Variants in KIF6 observed in about 807,000 individuals in gnomAD.
The protein encoded by KIF6 is kinesin-like protein KIF6.
A neutral mutation model predicts 112.7 loss-of-function variants in KIF6; 106 were observed. The ratio of observed to expected loss-of-function variants is 0.94; its 90% CI spans 0.80 to 1.11. The LOEUF (loss-of-function observed/expected upper bound fraction) is 1.11. Ranked by LOEUF, KIF6 falls within the 50% of genes least tolerant of loss-of-function variation. The pLI, the probability that KIF6 is intolerant of heterozygous loss-of-function variation, is 0.00. For missense variants in KIF6, 929 were observed against 964.0 expected (o/e 0.96, Z 0.48); for synonymous variants, 339 against 339.9 (o/e 1.00, Z 0.03).
intron 13 of KIF6, among the ~76,000 whole-genome samples, chr6:39,498,185 T>C (rs955355491): frequency 6.6e-6 from 1 of 152,044 alleles, no homozygotes. Flanking sequence ...CAATCTACAT[T>C]AAAAAAATAA....
At chr6:39,403,345 C>T (rs1320868162) in intron 15 of KIF6, among the ~76,000 whole-genome samples, 1 of 152,154 alleles carries the variant, frequency 6.6e-6, no homozygotes, top group African/African-American at 2.4e-5. Context: ...ACCCTTCTCC[C>T]ACCCCTGCCC....
intron 14 of KIF6, among the ~76,000 whole-genome samples, chr6:39,425,337 A>G (rs924556611): frequency 2.0e-5 from 3 of 152,248 alleles, no homozygotes; most frequent in Non-Finnish European, 2.9e-5. Context: ...AGAGGAGGAC[A>G]GAAGACTGGG....
intron 16 of KIF6, among the ~76,000 whole-genome samples, chr6:39,369,075 T>C (rs147845888): frequency 3.3e-5 from 5 of 152,308 alleles, no homozygotes; most frequent in South Asian, 2.1e-4. Flanking sequence ...CTCACCTTGT[T>C]TGAGAAGACA....
intron 19 of KIF6, among the ~76,000 whole-genome samples, chr6:39,351,147 C>T (rs1436277682): frequency 7.0e-6 from 1 of 142,356 alleles, no homozygotes; most frequent in Non-Finnish European, 1.5e-5. Flanking sequence ...TGATGCACAC[C>T]TTTCAAATTC....
chr6:39,639,668 T>C lies in KIF6; in HGVS notation c.341A>G (p.Tyr114Cys), dbSNP rs1479150162. Residue 114 changes from tyrosine to cysteine, a missense_variant, in exon 4 of 23, where the codon TAC (tyrosine) becomes TGC (cysteine). Coordinates refer to ENST00000287152, the MANE Select transcript of KIF6 (RefSeq NM_145027.6). Reference sequence around the variant, plus strand: ...CCTTGGGATAATGCCTCTGTCACTGTAACGCTCTGCACCCCCTGTGATAGT... The same window carrying C: ...CCTTGGGATAATGCCTCTGTCACTGCAACGCTCTGCACCCCCTGTGATAGT... ...TFTITGGAERYSDRGIIPRTL... is the reference protein window; with the variant it reads ...TFTITGGAERCSDRGIIPRTL... 1.9e-6 allele frequency: 3 copies of C among 1,611,490 alleles called. No homozygotes were observed. Among genetic ancestry groups the C allele is most frequent in the South Asian group, 2.2e-5 (2 of 90,638 alleles).
At chr6:39,442,742 C>A (rs1581866682) in intron 13 of KIF6, among the ~76,000 whole-genome samples, 2 of 152,118 alleles carry the variant, frequency 1.3e-5, no homozygotes, top group South Asian at 2.1e-4. Context: ...AGTGGAAGAA[C>A]GCGTGTGTCT....
chr6:39,416,517 C>T (rs1383364271), intron 15 of KIF6, among the ~76,000 whole-genome samples: 1 of 152,142 alleles, frequency 6.6e-6, no homozygotes. Context: ...GGTTACTCCT[C>T]CCATTTCTTA....
At chr6:39,634,153 A>T (rs1393769491) in intron 5 of KIF6, among the ~76,000 whole-genome samples, 2 of 152,180 alleles carry the variant, frequency 1.3e-5, no homozygotes, top group Non-Finnish European at 2.9e-5. Flanking sequence ...GAATATAAAG[A>T]TACATTTTCT....
At chr6:39,579,005 A>G (rs767835753) in intron 9 of KIF6, among the ~76,000 whole-genome samples, 65 of 152,190 alleles carry the variant, frequency 4.3e-4, no homozygotes, top group Non-Finnish European at 6.9e-4. Flanking sequence ...ATGAACATTT[A>G]GGATTTTTAC....
intron 13 of KIF6, among the ~76,000 whole-genome samples, chr6:39,521,935 A>C (rs548755452): frequency 6.6e-6 from 1 of 152,064 alleles, no homozygotes; most frequent in Admixed American, 6.5e-5. Flanking sequence ...CATCCCATAT[A>C]TTATTCTCTG....
chr6:39,442,971 G>A (rs987218412), intron 13 of KIF6, among the ~76,000 whole-genome samples: 43 of 151,852 alleles, frequency 2.8e-4, no homozygotes, highest in African/African-American at 9.2e-4. Context: ...AAAATTAGCC[G>A]GGCGTGGTGG....
Position 39,523,780 on chromosome 6 carries a change from G to A in KIF6, c.1645+16223C>T, listed in dbSNP as rs147056393. 1.8e-3 allele frequency among the ~76,000 whole-genome samples: 269 copies of A among 148,258 alleles called. 1 individual carries two copies. Among genetic ancestry groups the A allele is most frequent in the African/African-American group, 6.1e-3 (247 of 40,396 alleles). On this transcript the variant is annotated intron_variant, in intron 13 of 22. Coordinates refer to ENST00000287152, the MANE Select transcript of KIF6 (RefSeq NM_145027.6). ...ACCTATCTGGGAATAGTTGGCATCC[G>A]TTTTCCATGTCCCAGGGCACCCTGT... is the stretch of plus-strand genomic sequence containing the variant.
In KIF6 at chr6:39,337,124, CTTT is replaced by C. The variant is rs1268797754; in HGVS notation, c.2429-579_2429-577del. Among the ~76,000 whole-genome samples, 684 of 124,366 alleles carry C rather than the reference CTTT, an allele frequency of 5.5e-3. 25 individuals are homozygous for C. The highest frequency in any genetic ancestry group is 0.019 in the African/African-American group (633 of 33,272). The allele number at this position is 124,366 out of a possible 152,430, so 81.6% of individuals were successfully genotyped here. ...TCTTCTTTCTTCTCTTTCTTTCTTT[CTTT>C]CCTCCTTCCTTCCTTCCTTTCTCTT... On this transcript the variant is annotated intron_variant, in intron 22 of 22. Transcript: ENST00000287152.
chr6:39,520,976 C>G (rs1176955631), intron 13 of KIF6, among the ~76,000 whole-genome samples: 1 of 152,146 alleles, frequency 6.6e-6, no homozygotes, highest in African/African-American at 2.4e-5. Context: ...TTGCTACAAA[C>G]AAAGGCAGAG....
At chr6:39,699,709 G>A (rs1346916123) in intron 3 of KIF6, among the ~76,000 whole-genome samples, 1 of 152,006 alleles carries the variant, frequency 6.6e-6, no homozygotes, top group African/African-American at 2.4e-5. Flanking sequence ...TTGTAATATA[G>A]GGATAACATA....
intron 13 of KIF6, among the ~76,000 whole-genome samples, chr6:39,522,261 C>T (rs1220993864): frequency 6.6e-6 from 1 of 152,118 alleles, no homozygotes; most frequent in Non-Finnish European, 1.5e-5. Flanking sequence ...AAAACTATTC[C>T]TCCGTTGAGA....
intron 6 of KIF6, among the ~76,000 whole-genome samples, chr6:39,612,184 T>C (rs1406367536): frequency 6.6e-6 from 1 of 152,156 alleles, no homozygotes; most frequent in Admixed American, 6.5e-5. Context: ...GGCAGGGCAT[T>C]CTAGAGGGCA....
At chr6:39,368,985 A>G (rs1765769315) in intron 16 of KIF6, among the ~76,000 whole-genome samples, 1 of 152,012 alleles carries the variant, frequency 6.6e-6, no homozygotes, top group African/African-American at 2.4e-5. Context: ...CAACTACCCA[A>G]CTAATGATTC....
chr6:39,387,712 C>T (rs747252652), intron 15 of KIF6, among the ~76,000 whole-genome samples: 3 of 152,138 alleles, frequency 2.0e-5, no homozygotes, highest in Non-Finnish European at 2.9e-5. Flanking sequence ...CAATTTGACC[C>T]TTATTGTCCA....
Sources: gnomAD v4.1 joint callset for allele counts (sites outside exome capture counted in the v4.1 genomes callset) on GRCh38, gnomAD v4.1.1 for gene constraint, MANE v1.5 for transcripts, NCBI Gene and HGNC (gene_info 2026-07-23, HGNC 2026-07-21) for gene names.